The following BTBD9 variants were observed in gnomAD, a reference collection of about 807,000 sequenced individuals.
BTBD9 encodes BTB domain containing 9, also known as BTB/POZ domain-containing protein 9.
Under a neutral mutation model 64.3 loss-of-function variants are expected in BTBD9, and 49 were observed. That is an observed-to-expected ratio of 0.76 (90% confidence interval 0.61 to 0.97). The LOEUF (loss-of-function observed/expected upper bound fraction) is 0.97, where lower values mean the gene tolerates loss of function less well. BTBD9 is among the 50% of genes least tolerant of loss of function. The pLI, the probability that BTBD9 is intolerant of heterozygous loss-of-function variation, is 0.00. For synonymous variants in BTBD9, 260 were observed against 274.7 expected, an observed-to-expected ratio of 0.95 and a Z score of 0.53; for missense variants, 598 against 762.1, an observed-to-expected ratio of 0.78 and a Z score of 2.53.
chr6:38,237,574 G>C (rs185012850), intron 9 of BTBD9, among the ~76,000 whole-genome samples: 1 of 152,266 alleles, frequency 6.6e-6, no homozygotes, highest in East Asian at 1.9e-4. Flanking sequence ...AACAGTTTCT[G>C]GTCTTGCTTA....
intron 9 of BTBD9, among the ~76,000 whole-genome samples, chr6:38,196,341 T>C (rs947794968): frequency 5.3e-5 from 8 of 152,210 alleles, no homozygotes; most frequent in African/African-American, 1.9e-4. Flanking sequence ...TTAACAAATA[T>C]AAAACATCTA....
chr6:38,316,446 T>A (rs1763032065), intron 7 of BTBD9, among the ~76,000 whole-genome samples: 1 of 152,192 alleles, frequency 6.6e-6, no homozygotes, highest in African/African-American at 2.4e-5. Flanking sequence ...TTGCTCTTTA[T>A]TTTTTGTATC....
At chr6:38,396,675 G>GGATCTTGGACTT (rs1766688576) in intron 6 of BTBD9, among the ~76,000 whole-genome samples, 1 of 152,164 alleles carries the variant, frequency 6.6e-6, no homozygotes, top group Admixed American at 6.5e-5. Flanking sequence ...GCCTACTGCA[G>GGATCTTGGACTT]TAGTCACTGC....
rs2127540277 is a variant in BTBD9, at chr6:38,639,907, C to T, written c.-135G>A. On this transcript the variant is annotated 5_prime_UTR_variant, in exon 1 of 11. Transcript: ENST00000481247. ...CTTGGCCGCTTCCGTGGCCGCCGTC[C>T]TCGCCGCCGCCCCGGCTGCTGCGGC... 6.6e-6 allele frequency: 1 copy of T among 152,496 alleles called. No individual in the cohort carries two copies. Among genetic ancestry groups the T allele is most frequent in the South Asian group, 2.1e-4 (1 of 4,836 alleles). 9.4% of individuals were successfully genotyped at this position (152,496 alleles called of 1,614,324 possible). A position where few individuals can be genotyped will look rare whatever the true frequency, so the allele number is the denominator to read the frequency against.
intron 7 of BTBD9, among the ~76,000 whole-genome samples, chr6:38,296,935 A>C (rs1192544379): frequency 2.6e-5 from 4 of 152,172 alleles, no homozygotes; most frequent in Non-Finnish European, 5.9e-5. Context: ...ATTCTTATGA[A>C]TGTCTTATGT....
At chr6:38,536,520 T>C (rs990993813) in intron 6 of BTBD9, among the ~76,000 whole-genome samples, 4 of 152,162 alleles carry the variant, frequency 2.6e-5, no homozygotes, top group African/African-American at 9.7e-5. Context: ...GAGAGTTATC[T>C]GTACTCCCAT....
intron 6 of BTBD9, among the ~76,000 whole-genome samples, chr6:38,442,045 A>C (rs1390031281): frequency 6.6e-6 from 1 of 152,192 alleles, no homozygotes; most frequent in Non-Finnish European, 1.5e-5. Context: ...AAACTGCGGC[A>C]AGAGAGAATA....
chr6:38,447,526 A>G (rs1228592322), intron 6 of BTBD9, among the ~76,000 whole-genome samples: 1 of 152,254 alleles, frequency 6.6e-6, no homozygotes, highest in Non-Finnish European at 1.5e-5. Context: ...CAAGAGCTCT[A>G]ACAGTCATCA....
At chr6:38,193,722 C>T (rs974723136) in intron 9 of BTBD9, 247 of 728,810 alleles carry the variant, frequency 3.4e-4, no homozygotes, top group Middle Eastern at 6.9e-4. Flanking sequence ...TCCGCTCTCA[C>T]AGTGGAAATG....
At chr6:38,369,550 C>T (rs1289023724) in intron 6 of BTBD9, among the ~76,000 whole-genome samples, 2 of 152,198 alleles carry the variant, frequency 1.3e-5, no homozygotes, top group African/African-American at 4.8e-5. Flanking sequence ...ACCTTTTCTT[C>T]CCTTCCGCAC....
intron 1 of BTBD9, among the ~76,000 whole-genome samples, chr6:38,622,025 C>T (rs912818676): frequency 6.6e-5 from 10 of 152,138 alleles, no homozygotes; most frequent in Non-Finnish European, 1.2e-4. Flanking sequence ...TACTCATACC[C>T]GAAGCCAGCC....
intron 8 of BTBD9, among the ~76,000 whole-genome samples, chr6:38,286,228 C>T (rs1761724395): frequency 6.6e-6 from 1 of 152,202 alleles, no homozygotes; most frequent in Non-Finnish European, 1.5e-5. Flanking sequence ...GAAGAATCCA[C>T]AGTCTGAATT....
intron 6 of BTBD9, among the ~76,000 whole-genome samples, chr6:38,426,487 G>A (rs551717187): frequency 2.6e-5 from 4 of 151,976 alleles, no homozygotes; most frequent in East Asian, 3.9e-4. Context: ...CTTCTGGCCC[G>A]TGTTTGTTAG....
At chr6:38,322,343 T>C (rs1763270954) in intron 7 of BTBD9, among the ~76,000 whole-genome samples, 2 of 152,212 alleles carry the variant, frequency 1.3e-5, no homozygotes, top group African/African-American at 4.8e-5. Flanking sequence ...TAGTCATTTT[T>C]TCCTGTGCCC....
At chr6:38,570,457 C>T (rs1310059664) in intron 6 of BTBD9, among the ~76,000 whole-genome samples, 4 of 152,160 alleles carry the variant, frequency 2.6e-5, no homozygotes, top group African/African-American at 9.7e-5. Flanking sequence ...GTAAGAATTA[C>T]ACAAGGTAAT....
At chr6:38,387,718 T>C (rs1202451470) in intron 6 of BTBD9, among the ~76,000 whole-genome samples, 2 of 152,164 alleles carry the variant, frequency 1.3e-5, no homozygotes, top group Non-Finnish European at 2.9e-5. Flanking sequence ...TCTAAAAGTA[T>C]ATAATTCATT....
intron 6 of BTBD9, among the ~76,000 whole-genome samples, chr6:38,492,452 C>G (rs1762190082): frequency 6.6e-6 from 1 of 152,128 alleles, no homozygotes; most frequent in African/African-American, 2.4e-5. Flanking sequence ...GGAAAGGGCT[C>G]TTTTCAAAAT....
chr6:38,422,283 C>A (rs907034865), intron 6 of BTBD9, among the ~76,000 whole-genome samples: 1 of 152,180 alleles, frequency 6.6e-6, no homozygotes, highest in Non-Finnish European at 1.5e-5. Context: ...TAGCAAGCTA[C>A]TGTAAAATGA....
At chr6:38,638,592 C>A (rs1271247177) in intron 1 of BTBD9, among the ~76,000 whole-genome samples, 1 of 152,156 alleles carries the variant, frequency 6.6e-6, no homozygotes. Context: ...CTTTGAATTC[C>A]GAGTAATCTA....
Sources: gnomAD v4.1 joint callset for allele counts (sites outside exome capture counted in the v4.1 genomes callset) on GRCh38, gnomAD v4.1.1 for gene constraint, MANE v1.5 for transcripts, NCBI Gene and HGNC (gene_info 2026-07-23, HGNC 2026-07-21) for gene names.